The following MBD5 variants were observed in gnomAD, a reference collection of about 807,000 sequenced individuals.
The protein encoded by MBD5 is methyl-CpG-binding domain protein 5.
A neutral mutation model predicts 117.3 loss-of-function variants in MBD5; 13 were observed. The ratio of observed to expected loss-of-function variants is 0.11; its 90% CI spans 0.07 to 0.18. The LOEUF is 0.18. Among genes scored for constraint, MBD5 ranks in the 10% least tolerant of loss-of-function variants. The pLI, the probability that MBD5 is intolerant of heterozygous loss-of-function variation, is 1.00. For missense variants in MBD5, 1,879 were observed against 2,093.8 expected, an observed-to-expected ratio of 0.90 and a Z score of 2.00; for synonymous variants, 727 against 766.4, an observed-to-expected ratio of 0.95 and a Z score of 0.85.
intron 1 of MBD5, among the ~76,000 whole-genome samples, chr2:148,125,857 T>C (rs1466712490): frequency 6.6e-6 from 1 of 152,184 alleles, no homozygotes; most frequent in African/African-American, 2.4e-5. Context: ...AAATGTTTTG[T>C]TTCTAAATAT....
chr2:148,468,898 A>G lies in MBD5; in HGVS notation c.955A>G (p.Thr319Ala), dbSNP rs1451851872. Residue 319 changes from threonine to alanine, a missense_variant, in exon 8 of 14, where the codon ACT becomes GCT. Around this residue, in one of 4 missense-constraint regions of MBD5, gnomAD observed 1,666 missense variants for 1,792.2 expected, o/e 0.93. Coordinates refer to ENST00000642680, the MANE Select transcript of MBD5 (RefSeq NM_001378120.1). ...GAAAAAACCAATGTGTAATTTTTCA[A>G]CTAATATGGAAATACCACGAGCAAT... ...VMKKPMCNFS[T>A]NMEIPRAMFH... The G allele has an allele frequency of 6.2e-7, 1 of 1,613,840 alleles. No homozygotes were observed. Among genetic ancestry groups the G allele is most frequent in the African/African-American group, 1.3e-5 (1 of 74,914 alleles).
chr2:148,208,568 A>G (rs921788872), intron 2 of MBD5, among the ~76,000 whole-genome samples: 7 of 151,932 alleles, frequency 4.6e-5, no homozygotes, highest in African/African-American at 1.7e-4. Context: ...TACCTACTTT[A>G]TATGACTGCT....
intron 3 of MBD5, among the ~76,000 whole-genome samples, chr2:148,283,755 G>C (rs1701304541): frequency 6.6e-6 from 1 of 152,072 alleles, no homozygotes; most frequent in African/African-American, 2.4e-5. Context: ...ATGCTTACTA[G>C]AGCAGTGCAA....
intron 2 of MBD5, among the ~76,000 whole-genome samples, chr2:148,183,938 A>T (rs960896448): frequency 7.2e-5 from 11 of 152,006 alleles, no homozygotes; most frequent in Non-Finnish European, 8.8e-5. Flanking sequence ...TTGTAAAAAA[A>T]TTTTTTTAAT....
At chr2:148,389,182 CCGTGG>C (rs1200225377) in intron 4 of MBD5, among the ~76,000 whole-genome samples, 11 of 77,214 alleles carry the variant, frequency 1.4e-4, no homozygotes, top group East Asian at 1.2e-3. Flanking sequence ...CCATAGTATT[CCGTGG>C]TGTGTGTGTG....
intron 2 of MBD5, among the ~76,000 whole-genome samples, chr2:148,202,854 C>T (rs1435514265): frequency 1.3e-5 from 2 of 151,886 alleles, no homozygotes; most frequent in African/African-American, 4.8e-5. Context: ...ATAGTGAGAA[C>T]CCATCTCTTA....
chr2:148,312,528 G>A (rs1474710065), intron 3 of MBD5, among the ~76,000 whole-genome samples: 2 of 152,054 alleles, frequency 1.3e-5, no homozygotes, highest in Non-Finnish European at 2.9e-5. Flanking sequence ...CTCTAAACTG[G>A]TTATTCTACT....
chr2:148,279,318 T>C (rs1485538678), intron 3 of MBD5, among the ~76,000 whole-genome samples: 2 of 152,168 alleles, frequency 1.3e-5, no homozygotes, highest in African/African-American at 4.8e-5. Context: ...TAGTCCTAGA[T>C]ACTAGGAAGG....
At chr2:148,405,396 G>A (rs1446796392) in intron 4 of MBD5, among the ~76,000 whole-genome samples, 1 of 152,198 alleles carries the variant, frequency 6.6e-6, no homozygotes, top group Non-Finnish European at 1.5e-5. Context: ...ATACTTCTGA[G>A]TATTCCACCC....
intron 1 of MBD5, chr2:148,072,001 G>A (rs552306973): frequency 1.4e-4 from 21 of 152,226 alleles, no homozygotes; most frequent in African/African-American, 4.1e-4. Flanking sequence ...AAAAAGTCTT[G>A]CATGTTCAGA....
At chr2:148,392,521 C>T (rs932547648) in intron 4 of MBD5, among the ~76,000 whole-genome samples, 7 of 152,164 alleles carry the variant, frequency 4.6e-5, no homozygotes, top group Middle Eastern at 3.2e-3. Flanking sequence ...TTGAGAGCCA[C>T]TTATGTACAC....
At chr2:148,325,626 G>A (rs1702425606) in intron 3 of MBD5, among the ~76,000 whole-genome samples, 2 of 152,148 alleles carry the variant, frequency 1.3e-5, no homozygotes, top group South Asian at 4.1e-4. Context: ...TTTGCGTAGA[G>A]GTGTTTGTAG....
chr2:148,433,930 T>C (rs1706072395), intron 4 of MBD5, among the ~76,000 whole-genome samples: 2 of 139,004 alleles, frequency 1.4e-5, no homozygotes, highest in African/African-American at 3.0e-5. Context: ...TGTTTTCATT[T>C]TTCTTTTTTT....
intron 4 of MBD5, among the ~76,000 whole-genome samples, chr2:148,454,263 C>A (rs1441554241): frequency 2.0e-5 from 3 of 152,108 alleles, no homozygotes; most frequent in African/African-American, 7.2e-5. Flanking sequence ...CTTCAGAGAA[C>A]AATTTGGCAA....
chr2:148,367,952 T>G (rs1302329390), intron 4 of MBD5, among the ~76,000 whole-genome samples: 2 of 152,188 alleles, frequency 1.3e-5, no homozygotes, highest in African/African-American at 4.8e-5. Flanking sequence ...GAAATACCAC[T>G]TGACCCAGCA....
intron 2 of MBD5, among the ~76,000 whole-genome samples, chr2:148,208,940 A>G (rs898839077): frequency 5.9e-5 from 9 of 152,124 alleles, no homozygotes; most frequent in Non-Finnish European, 1.3e-4. Flanking sequence ...GTCTCTAGTT[A>G]TGTTTTCACA....
chr2:148,233,397 C>G lies in MBD5; in HGVS notation c.-680+2C>G, dbSNP rs540405551. The G allele has an allele frequency of 1.8e-4, 27 of 152,238 alleles. No homozygotes were observed. Among genetic ancestry groups the G allele is most frequent in the East Asian group, 1.9e-4 (1 of 5,186 alleles). The allele number at this position is 152,238 out of a possible 1,614,324, so 9.4% of individuals were successfully genotyped here. On this transcript the variant is annotated splice_donor_variant, in intron 3 of 13. Coordinates refer to ENST00000642680, the MANE Select transcript of MBD5 (RefSeq NM_001378120.1). LOFTEE classifies it low-confidence loss of function (5UTR_SPLICE). ...GAGGATGTCAACAATTTTTTGGAGG[C>G]AAGCAATGAAATATTTCTACTATGA... is the stretch of plus-strand genomic sequence containing the variant.
chr2:148,095,085 T>G (rs76450655), intron 1 of MBD5, among the ~76,000 whole-genome samples: 5,251 of 152,262 alleles, frequency 0.034, 244 homozygotes, highest in African/African-American at 0.1. Flanking sequence ...TTTTACTTTG[T>G]TCACTAAATA....
rs115367600 is a variant in MBD5, at chr2:148,246,914, T to C, written c.-680+13519T>C. Among the ~76,000 whole-genome samples, 1,404 of 152,290 alleles carry C rather than the reference T, an allele frequency of 9.2e-3. 18 individuals carry two copies. The highest frequency in any genetic ancestry group is 0.032 in the African/African-American group (1,344 of 41,572). On this transcript the variant is annotated intron_variant, in intron 3 of 13. Transcript: ENST00000642680. The stretch of plus-strand genomic sequence containing the variant: ...TTGTCTATTATCACGGATGATGACT[T>C]AGCATACTTTTACCACCTAATACCT...
Sources: gnomAD v4.1 joint callset for allele counts (sites outside exome capture counted in the v4.1 genomes callset) on GRCh38, gnomAD v4.1.1 for gene constraint, gnomAD v4.1.1 regional missense constraint, MANE v1.5 for transcripts, NCBI Gene and HGNC (gene_info 2026-07-23, HGNC 2026-07-21) for gene names.